The following AFAP1L2 variants were observed in gnomAD, a reference collection of about 807,000 sequenced individuals.
AFAP1L2 encodes the protein actin filament-associated protein 1-like 2.
A neutral mutation model predicts 99.3 loss-of-function variants in AFAP1L2; 46 were observed. The observed-to-expected ratio is 0.46, with a 90% CI of 0.37 to 0.59. The LOEUF is 0.59. AFAP1L2 is among the 20% of genes least tolerant of loss of function. AFAP1L2 has a pLI of 0.00. For synonymous variants in AFAP1L2, 397 were observed against 419.1 expected, an observed-to-expected ratio of 0.95 and a Z score of 0.64; for missense variants, 959 against 1,034.9, an observed-to-expected ratio of 0.93 and a Z score of 1.01.
At chr10:114,400,585 G>T (rs1190051764) in intron 1 of AFAP1L2, among the ~76,000 whole-genome samples, 2 of 152,042 alleles carry the variant, frequency 1.3e-5, no homozygotes, top group Non-Finnish European at 2.9e-5. Flanking sequence ...TTTGGTTAAG[G>T]CACATCGTGT....
At chr10:114,400,359 C>T (rs556791224) in intron 1 of AFAP1L2, among the ~76,000 whole-genome samples, 2 of 152,278 alleles carry the variant, frequency 1.3e-5, no homozygotes, top group Admixed American at 6.5e-5. Context: ...AGTGACCTCT[C>T]AGTATTTCTG....
chr10:114,401,347 G>A (rs1250778532), intron 1 of AFAP1L2, among the ~76,000 whole-genome samples: 1 of 152,212 alleles, frequency 6.6e-6, no homozygotes, highest in African/African-American at 2.4e-5. Context: ...AGAGCAGTCA[G>A]AACCAGAATG....
intron 5 of AFAP1L2, among the ~76,000 whole-genome samples, chr10:114,322,339 C>A (rs1018953046): frequency 1.3e-5 from 2 of 152,206 alleles, no homozygotes; most frequent in African/African-American, 4.8e-5. Flanking sequence ...CAAAGTCATT[C>A]CTGTGGCTGG....
intron 1 of AFAP1L2, among the ~76,000 whole-genome samples, chr10:114,374,120 C>T (rs998402980): frequency 6.6e-6 from 1 of 152,184 alleles, no homozygotes; most frequent in Non-Finnish European, 1.5e-5. Context: ...CACTCCTCCT[C>T]TGTTGCTTCA....
intron 4 of AFAP1L2, among the ~76,000 whole-genome samples, chr10:114,327,485 A>G (rs915099489): frequency 6.6e-6 from 1 of 152,008 alleles, no homozygotes. Context: ...TCAAAACCTG[A>G]AAAACTTTGA....
rs201165278 is a variant in AFAP1L2 at position 114,310,463 on chromosome 10, G to A, written c.793-20C>T. 4.0e-5 allele frequency: 65 copies of A among 1,608,756 alleles called. No individual in the cohort carries two copies. Among genetic ancestry groups the A allele is most frequent in the Non-Finnish European group, 5.2e-5 (61 of 1,177,250 alleles). On this transcript the variant is annotated intron_variant, in intron 7 of 18. Coordinates refer to ENST00000304129, the MANE Select transcript of AFAP1L2 (RefSeq NM_001001936.3). ...GATGACCTGAGGCAAGAGGGAAGCC[G>A]TCAGCAGAGGCTGAGGTCCTCTGGC...
intron 1 of AFAP1L2, among the ~76,000 whole-genome samples, chr10:114,367,879 C>A (rs923538629): frequency 2.0e-5 from 3 of 152,224 alleles, no homozygotes; most frequent in Non-Finnish European, 2.9e-5. Flanking sequence ...ATTCTTCCCA[C>A]TTTTACAGTC....
In AFAP1L2 at chr10:114,295,426, AGCT is replaced by A; in HGVS notation, c.*613_*615del. 1 of 985,776 alleles carries A rather than the reference AGCT, an allele frequency of 1.0e-6. No individual in the cohort carries two copies. Among genetic ancestry groups the A allele is most frequent in the Non-Finnish European group, 1.2e-6 (1 of 829,936 alleles). 61.1% of individuals were successfully genotyped at this position (985,776 alleles called of 1,614,324 possible). On this transcript the variant is annotated 3_prime_UTR_variant, in exon 19 of 19. Transcript: ENST00000304129. Reference sequence around the variant, plus strand: ...TTTAACTTAGTGGGATTAGTGCTTCAGCTTGGTCCCAAATATTTTCCCCATTAT... The same window carrying A: ...TTTAACTTAGTGGGATTAGTGCTTCATGGTCCCAAATATTTTCCCCATTAT...
chr10:114,369,546 C>G (rs1488054929), intron 1 of AFAP1L2, among the ~76,000 whole-genome samples: 3 of 139,482 alleles, frequency 2.2e-5, no homozygotes, highest in African/African-American at 8.3e-5. Flanking sequence ...AGTGAGCCGA[C>G]ATCGTGCCAC....
intron 1 of AFAP1L2, among the ~76,000 whole-genome samples, chr10:114,368,733 A>G (rs1382252486): frequency 1.3e-5 from 2 of 149,284 alleles, no homozygotes; most frequent in African/African-American, 2.5e-5. Context: ...GTTTACTTGA[A>G]ATTTTCCTAA....
chr10:114,324,401 C>A (rs55708313), intron 4 of AFAP1L2, among the ~76,000 whole-genome samples: 7 of 60,806 alleles, frequency 1.2e-4, no homozygotes, highest in African/African-American at 2.8e-4. Context: ...GCACCACCCC[C>A]CCCCCCCCCC....
At chr10:114,334,992 T>A (rs906849735) in intron 2 of AFAP1L2, among the ~76,000 whole-genome samples, 3 of 152,196 alleles carry the variant, frequency 2.0e-5, no homozygotes, top group Non-Finnish European at 4.4e-5. Flanking sequence ...AAAGGTAAGG[T>A]AACCTTACAA....
chr10:114,366,791 C>A (rs971915176), intron 1 of AFAP1L2, among the ~76,000 whole-genome samples: 1 of 152,122 alleles, frequency 6.6e-6, no homozygotes, highest in Non-Finnish European at 1.5e-5. Context: ...TATGGTGAAA[C>A]CCTGTCTCTA....
intron 1 of AFAP1L2, among the ~76,000 whole-genome samples, chr10:114,349,883 C>A (rs2050206320): frequency 6.6e-6 from 1 of 152,166 alleles, no homozygotes; most frequent in Non-Finnish European, 1.5e-5. Context: ...CTGCAAGGGT[C>A]ATCTTGCCAT....
At chr10:114,320,420 G>C (rs758534894) in intron 5 of AFAP1L2, among the ~76,000 whole-genome samples, 1 of 152,224 alleles carries the variant, frequency 6.6e-6, no homozygotes, top group Non-Finnish European at 1.5e-5. Flanking sequence ...GTCACAACCT[G>C]CATGTCACAC....
chr10:114,380,200 G>A (rs530087691), intron 1 of AFAP1L2, among the ~76,000 whole-genome samples: 10 of 152,186 alleles, frequency 6.6e-5, no homozygotes, highest in Non-Finnish European at 1.5e-4. Context: ...CTTCTACCAT[G>A]AGAAAGCCAA....
intron 1 of AFAP1L2, among the ~76,000 whole-genome samples, chr10:114,346,854 C>G (rs936760846): frequency 5.9e-5 from 9 of 152,212 alleles, no homozygotes; most frequent in African/African-American, 2.2e-4. Flanking sequence ...CATTGCCCTC[C>G]TCTGTGGTGA....
At chr10:114,403,795 C>A (rs1345188424) in intron 1 of AFAP1L2, among the ~76,000 whole-genome samples, 3 of 152,220 alleles carry the variant, frequency 2.0e-5, no homozygotes, top group African/African-American at 7.2e-5. Context: ...CCCTCGGGTC[C>A]GGACGCCTCC....
chr10:114,289,079 G>C, the AFAP1L2 span: 4 of 1,614,210 alleles, frequency 2.5e-6, no homozygotes, highest in Non-Finnish European at 3.4e-6. Context: ...ACACAGGTCG[G>C]CCTGGTGGTG....
Sources: gnomAD v4.1 joint callset for allele counts (sites outside exome capture counted in the v4.1 genomes callset) on GRCh38, gnomAD v4.1.1 for gene constraint, MANE v1.5 for transcripts, NCBI Gene and HGNC (gene_info 2026-07-23, HGNC 2026-07-21) for gene names.